The following TP63 variants were observed in gnomAD, a reference collection of about 807,000 sequenced individuals.
The protein encoded by TP63 is tumor protein p63.
A neutral mutation model predicts 82.8 loss-of-function variants in TP63; 17 were observed. The ratio of observed to expected loss-of-function variants is 0.21; its 90% confidence interval spans 0.14 to 0.31. The LOEUF (loss-of-function observed/expected upper bound fraction) is 0.31, where lower values mean the gene tolerates loss of function less well. Ranked by LOEUF, TP63 falls within the 10% of genes least tolerant of loss-of-function variation. TP63 has a pLI of 1.00. For missense variants in TP63, 648 were observed against 895.3 expected, an observed-to-expected ratio of 0.72 and a Z score of 3.52; for synonymous variants, 330 against 321.7, an observed-to-expected ratio of 1.03 and a Z score of -0.28.
intron 4 of TP63, among the ~76,000 whole-genome samples, chr3:189,833,507 T>C (rs1560233907): frequency 6.6e-6 from 1 of 152,190 alleles, no homozygotes; most frequent in Non-Finnish European, 1.5e-5. Context: ...CTTATATGTA[T>C]TTTCATGCAT....
At chr3:189,855,743 G>GA (rs1716213608) in intron 4 of TP63, among the ~76,000 whole-genome samples, 1 of 151,918 alleles carries the variant, frequency 6.6e-6, no homozygotes, top group South Asian at 2.1e-4. Context: ...TGTATGCACA[G>GA]AAAACGGTCA....
intron 3 of TP63, among the ~76,000 whole-genome samples, chr3:189,739,664 C>A (rs1200507091): frequency 6.6e-6 from 1 of 152,054 alleles, no homozygotes; most frequent in East Asian, 1.9e-4. Flanking sequence ...GTGGTGAGAT[C>A]ATAGGTGTTA....
chr3:189,648,058 C>T lies in TP63; in HGVS notation c.62+16481C>T, dbSNP rs562844881. Among the ~76,000 whole-genome samples the T allele has an allele frequency of 2.3e-4, 34 of 147,084 alleles. 5 individuals are homozygous for T. In the South Asian group the frequency reaches 7.1e-3, roughly 31 times the overall value. On this transcript the variant is annotated intron_variant, in intron 1 of 13. Coordinates refer to ENST00000264731, the MANE Select transcript of TP63 (RefSeq NM_003722.5). ...AAAGATATGTTATTACAACTGGTTACTCCAGTAGAAGTATGTAGGCTCTGT... is the reference window on the plus strand; with the variant it reads ...AAAGATATGTTATTACAACTGGTTATTCCAGTAGAAGTATGTAGGCTCTGT...
intron 1 of TP63, among the ~76,000 whole-genome samples, chr3:189,673,015 A>G (rs1488818796): frequency 2.0e-5 from 3 of 152,032 alleles, no homozygotes; most frequent in Non-Finnish European, 4.4e-5. Flanking sequence ...TAATTTTTGT[A>G]TTTTTAGTAG....
chr3:189,779,269 G>C (rs1404866376), intron 3 of TP63, among the ~76,000 whole-genome samples: 2 of 152,116 alleles, frequency 1.3e-5, no homozygotes, highest in African/African-American at 4.8e-5. Flanking sequence ...TCTAGTTCAT[G>C]ATCAATGCAG....
At chr3:189,738,074 G>A (rs1308432713) in intron 2 of TP63, among the ~76,000 whole-genome samples, 1 of 152,080 alleles carries the variant, frequency 6.6e-6, no homozygotes, top group Admixed American at 6.5e-5. Context: ...CTAATCCAAG[G>A]TGATGTAATT....
At chr3:189,853,964 G>A (rs982343236) in intron 4 of TP63, among the ~76,000 whole-genome samples, 18 of 151,866 alleles carry the variant, frequency 1.2e-4, no homozygotes, top group East Asian at 1.9e-4. Context: ...GATAAAGATC[G>A]ATTTTTTTCT....
intron 1 of TP63, among the ~76,000 whole-genome samples, chr3:189,675,379 G>GA (rs954628873): frequency 1.3e-5 from 2 of 151,678 alleles, no homozygotes; most frequent in South Asian, 2.1e-4. Flanking sequence ...ATACAAAATA[G>GA]AAAAAAATTA....
At chr3:189,786,203 T>C (rs74756070) in intron 3 of TP63, among the ~76,000 whole-genome samples, 17,552 of 152,008 alleles carry the variant, frequency 0.12, 1,293 homozygotes, top group South Asian at 0.23. Context: ...TCCTTTGTTT[T>C]TCATACAGAC....
At chr3:189,789,170 T>A (rs1312737819) in intron 3 of TP63, among the ~76,000 whole-genome samples, 1 of 152,094 alleles carries the variant, frequency 6.6e-6, no homozygotes, top group Non-Finnish European at 1.5e-5. Flanking sequence ...CAGTGGGTTT[T>A]AATTTTTTAT....
intron 3 of TP63, among the ~76,000 whole-genome samples, chr3:189,780,827 G>A (rs997781641): frequency 6.6e-6 from 1 of 152,142 alleles, no homozygotes; most frequent in African/African-American, 2.4e-5. Context: ...CTCTCTGCTG[G>A]CGGTGACAGT....
chr3:189,697,665 T>C (rs1221177757), intron 1 of TP63, among the ~76,000 whole-genome samples: 1 of 152,076 alleles, frequency 6.6e-6, no homozygotes, highest in African/African-American at 2.4e-5. Context: ...TAGACAGTAT[T>C]GAGTCTCCTC....
intron 3 of TP63, among the ~76,000 whole-genome samples, chr3:189,779,159 C>G (rs6765754): frequency 0.13 from 19,259 of 152,138 alleles, 2,231 homozygotes; most frequent in African/African-American, 0.3. Flanking sequence ...TATATTAACA[C>G]TAAAGTAGCT....
intron 4 of TP63, among the ~76,000 whole-genome samples, chr3:189,851,881 T>G (rs559553327): frequency 2.6e-4 from 39 of 152,276 alleles, no homozygotes; most frequent in African/African-American, 8.9e-4. Flanking sequence ...CAGGAGAGAT[T>G]TGTCTTGGAG....
At chr3:189,881,502 C>T (rs1165132476) in intron 10 of TP63, 2 of 985,132 alleles carry the variant, frequency 2.0e-6, no homozygotes, top group Non-Finnish European at 2.4e-6. Flanking sequence ...GTTTATCTTG[C>T]AGTTTTTTTG....
chr3:189,802,008 A>G (rs1726362252), intron 3 of TP63, among the ~76,000 whole-genome samples: 1 of 152,188 alleles, frequency 6.6e-6, no homozygotes, highest in Non-Finnish European at 1.5e-5. Context: ...ACGTTTGAAT[A>G]CCAATATATT....
intron 1 of TP63, among the ~76,000 whole-genome samples, chr3:189,653,909 G>A (rs1306678458): frequency 6.6e-6 from 1 of 152,148 alleles, no homozygotes; most frequent in Non-Finnish European, 1.5e-5. Context: ...CCAAACCAGT[G>A]TTAGAGAGAA....
chr3:189,742,011 G>T (rs1396580329), intron 3 of TP63, among the ~76,000 whole-genome samples: 1 of 152,066 alleles, frequency 6.6e-6, no homozygotes. Context: ...GGGAGGCCGA[G>T]GTGTGTGGAT....
intron 4 of TP63, among the ~76,000 whole-genome samples, chr3:189,811,035 T>C (rs984987895): frequency 6.6e-6 from 1 of 152,176 alleles, no homozygotes; most frequent in African/African-American, 2.4e-5. Flanking sequence ...TTTCCTTACA[T>C]GTGACAGCAG....
Sources: allele counts gnomAD v4.1 joint callset (sites outside exome capture counted in the v4.1 genomes callset), GRCh38; gene constraint gnomAD v4.1.1; transcripts MANE v1.5; gene names NCBI Gene and HGNC (gene_info 2026-07-23, HGNC 2026-07-21).